The following TRIM66 variants were observed in gnomAD, a reference collection of about 807,000 sequenced individuals.
The protein encoded by TRIM66 is tripartite motif containing 66.
A neutral mutation model predicts 148.2 loss-of-function variants in TRIM66; 99 were observed. The ratio of observed to expected loss-of-function variants is 0.67; its 90% CI spans 0.57 to 0.79. The LOEUF (loss-of-function observed/expected upper bound fraction) is 0.79. TRIM66 is among the 30% of genes least tolerant of loss of function. The pLI is 0.00. For synonymous variants in TRIM66, 616 were observed against 635.9 expected (o/e 0.97, Z 0.47); for missense variants, 1,666 against 1,697.9 (o/e 0.98, Z 0.33).
At chr11:8,655,776 T>C (rs972846542) in intron 6 of TRIM66, among the ~76,000 whole-genome samples, 1 of 151,580 alleles carries the variant, frequency 6.6e-6, no homozygotes, top group Non-Finnish European at 1.5e-5. Flanking sequence ...AGTGAGACTC[T>C]GTCTCCAAAA....
chr11:8,668,334 CTTT>C (rs993605256), intron 6 of TRIM66, among the ~76,000 whole-genome samples: 3 of 150,580 alleles, frequency 2.0e-5, no homozygotes, highest in Non-Finnish European at 4.4e-5. Flanking sequence ...AATGCTGGAA[CTTT>C]TTTTTTCATG....
At position 8,667,708 on chromosome 11, in the gene TRIM66, T is replaced by C. The variant is rs561993772; in HGVS notation, c.340+4078A>G. Among the ~76,000 whole-genome samples the C allele has an allele frequency of 4.6e-5, 7 of 152,376 alleles. 1 individual carries two copies. The South Asian group carries it at 1.4e-3, about 32-fold the overall frequency. Reference sequence around the variant, plus strand: ...GCTTACCTCATTTAGCATAATGTCCTAAAGCTTCATCCATGTTGTAGCATG... The same window carrying C: ...GCTTACCTCATTTAGCATAATGTCCCAAAGCTTCATCCATGTTGTAGCATG... On this transcript the variant is annotated intron_variant, in intron 6 of 24. Transcript: ENST00000646038.
At chr11:8,656,164 C>T (rs1196920654) in intron 6 of TRIM66, among the ~76,000 whole-genome samples, 1 of 152,180 alleles carries the variant, frequency 6.6e-6, no homozygotes, top group Non-Finnish European at 1.5e-5. Context: ...AGAGATTCTC[C>T]ATCTTTTAAT....
intron 15 of TRIM66, among the ~76,000 whole-genome samples, chr11:8,632,773 T>A (rs182588960): frequency 1.3e-5 from 2 of 152,188 alleles, no homozygotes; most frequent in Non-Finnish European, 2.9e-5. Flanking sequence ...ACATGTTGAT[T>A]TTTAATGGCA....
chr11:8,666,103 G>A (rs543885674), intron 6 of TRIM66, among the ~76,000 whole-genome samples: 74 of 152,044 alleles, frequency 4.9e-4, no homozygotes, highest in African/African-American at 1.5e-3. Context: ...TTGGGAGGCC[G>A]AGGTGGGCAG....
rs544087858 is a variant in TRIM66, at chr11:8,649,517, A to G, written c.592+223T>C. On this transcript the variant is annotated intron_variant, in intron 8 of 24. Coordinates refer to ENST00000646038, the MANE Select transcript of TRIM66 (RefSeq NM_001388022.1). ...ACAATAATTCAACACTTTCCTCTCT[A>G]TACCATTTCATCCACACTCATCCAC... 5.3e-5 allele frequency among the ~76,000 whole-genome samples: 8 copies of G among 152,294 alleles called. No individual in the cohort carries two copies. The East Asian group carries it at 1.5e-3, about 29-fold the overall frequency.
chr11:8,659,812 A>G (rs559908322), intron 6 of TRIM66, among the ~76,000 whole-genome samples: 1 of 152,308 alleles, frequency 6.6e-6, no homozygotes, highest in African/African-American at 2.4e-5. Context: ...GTCTTCCTGT[A>G]TCCAGTCCTG....
intron 3 of TRIM66, among the ~76,000 whole-genome samples, chr11:8,677,511 G>A (rs1250707291): frequency 6.6e-6 from 1 of 152,136 alleles, no homozygotes; most frequent in Non-Finnish European, 1.5e-5. Flanking sequence ...TGGGCGTGAT[G>A]GTCATGCCTG....
In TRIM66 at chr11:8,615,605, T is replaced by C. The variant is rs1011547263; in HGVS notation, c.*2339A>G. 1 of 151,914 alleles carries C rather than the reference T, an allele frequency of 6.6e-6. No individual in the cohort carries two copies. The highest frequency in any genetic ancestry group is 2.4e-5 in the African/African-American group (1 of 41,334). The allele number at this position is 151,914 out of a possible 1,614,324, so 9.4% of individuals were successfully genotyped here. ...ACAAAACCATGATTCAAAACACTGGTGGCTAGGTCTAAAGGAAAAGCCAGC... is the reference window on the plus strand; with the variant it reads ...ACAAAACCATGATTCAAAACACTGGCGGCTAGGTCTAAAGGAAAAGCCAGC... On this transcript the variant is annotated 3_prime_UTR_variant, in exon 25 of 25. Transcript: ENST00000646038.
chr11:8,640,809 A>G lies in TRIM66; in HGVS notation c.1566T>C (p.Pro522=). The part of the protein sequence containing the change: ...LPREKELACS[P]HPPKLLQPWL... Reference sequence around the variant, plus strand: ...AGGGCTGCAGCAGCTTTGGTGGATGAGGGCTGCAGGCCAGCTCTTTCTCCC... The same window carrying G: ...AGGGCTGCAGCAGCTTTGGTGGATGGGGGCTGCAGGCCAGCTCTTTCTCCC... The change falls in exon 14 of 25, where the codon CCT becomes CCC. Residue 522 remains proline (P), a synonymous_variant. Coordinates refer to ENST00000646038, the MANE Select transcript of TRIM66 (RefSeq NM_001388022.1). 1.3e-6 allele frequency: 2 copies of G among 1,550,706 alleles called. No individual in the cohort carries two copies. Among genetic ancestry groups the G allele is most frequent in the Non-Finnish European group, 1.7e-6 (2 of 1,146,960 alleles).
At position 8,672,297 on chromosome 11, in the gene TRIM66, TGGA is replaced by T; in HGVS notation, c.-26_-24del. On this transcript the variant is annotated 5_prime_UTR_variant, in exon 5 of 25. Coordinates refer to ENST00000646038, the MANE Select transcript of TRIM66 (RefSeq NM_001388022.1). ...CATCTCTGCCGTGGAAAACAAAGCG[TGGA>T]GGTGTCTGCTGTTTGTCTGAAGGCG... 6.5e-7 allele frequency: 1 copy of T among 1,536,046 alleles called. No homozygotes were observed. The highest frequency in any genetic ancestry group is 1.2e-5 in the South Asian group (1 of 84,058).
upstream of TRIM66, chr11:8,682,710 A>T: frequency 7.0e-7 from 1 of 1,426,684 alleles, no homozygotes; most frequent in Non-Finnish European, 9.9e-7. Context: ...GCCCCGCCCG[A>T]AGCCCGGCCT....
intron 7 of TRIM66, among the ~76,000 whole-genome samples, chr11:8,650,230 G>A (rs990383477): frequency 3.9e-5 from 6 of 151,990 alleles, no homozygotes; most frequent in Admixed American, 1.3e-4. Context: ...AAAATTAGCC[G>A]GGAGTGGTGG....
intron 15 of TRIM66, among the ~76,000 whole-genome samples, chr11:8,634,545 T>C (rs1208953311): frequency 6.6e-6 from 1 of 152,236 alleles, no homozygotes; most frequent in African/African-American, 2.4e-5. Flanking sequence ...TGCATCAAAA[T>C]GTCTCCCAGT....
At chr11:8,622,400 G>A (rs1472070226) in intron 18 of TRIM66, among the ~76,000 whole-genome samples, 2 of 87,348 alleles carry the variant, frequency 2.3e-5, no homozygotes, top group African/African-American at 7.9e-5. Context: ...CTTGTTCTGT[G>A]CCTCTAGAGA....
chr11:8,682,254 G>T (rs1196467481), intron 1 of TRIM66, among the ~76,000 whole-genome samples: 1 of 152,232 alleles, frequency 6.6e-6, no homozygotes, highest in East Asian at 1.9e-4. Context: ...AGGCATTTCG[G>T]GAGCCGCCCG....
Position 8,672,324 on chromosome 11 carries a change from C to A in TRIM66, c.-50G>T, listed in dbSNP as rs749670497. On this transcript the variant is annotated 5_prime_UTR_variant, in exon 5 of 25. Coordinates refer to ENST00000646038, the MANE Select transcript of TRIM66 (RefSeq NM_001388022.1). ...GAGGTGTCTGCTGTTTGTCTGAAGG[C>A]GAACAAACCCTTCAAAAGTGTCCCG... 5 of 1,535,792 alleles carry A rather than the reference C, an allele frequency of 3.3e-6. No individual in the cohort carries two copies. The highest frequency in any genetic ancestry group is 2.0e-5 in the Admixed American group (1 of 50,946).
intron 3 of TRIM66, 161 bp downstream of exon 3, chr11:8,679,459 G>GT (rs2133573189): frequency 6.5e-6 from 1 of 152,732 alleles, no homozygotes; most frequent in East Asian, 1.9e-4. Context: ...GGGACAGAAC[G>GT]TAGCTCCTCT....
In TRIM66 at chr11:8,614,431, G is replaced by A. The variant is rs113782653; in HGVS notation, c.*3513C>T. 6.6e-6 allele frequency: 1 copy of A among 152,274 alleles called. No homozygotes were observed. The highest frequency in any genetic ancestry group is 2.1e-4 in the South Asian group (1 of 4,830). The allele number at this position is 152,274 out of a possible 1,614,324, so 9.4% of individuals were successfully genotyped here. On this transcript the variant is annotated 3_prime_UTR_variant, in exon 25 of 25. Coordinates refer to ENST00000646038, the MANE Select transcript of TRIM66 (RefSeq NM_001388022.1). ...CTGACAAAAACATCAGTGTGTGATA[G>A]GCTCTGGGTTCATGCTGGGGAGAGG...
Sources: allele counts gnomAD v4.1 joint callset (sites outside exome capture counted in the v4.1 genomes callset), GRCh38; gene constraint gnomAD v4.1.1; transcripts MANE v1.5; gene names NCBI Gene and HGNC (gene_info 2026-07-23, HGNC 2026-07-21).